GADL1: variants seen among roughly 807,000 people sequenced by gnomAD.
GADL1 encodes GAD like acidic amino acid decarboxylase 1, also known as acidic amino acid decarboxylase GADL1.
A neutral mutation model predicts 69.5 loss-of-function variants in GADL1; 71 were observed. The observed-to-expected ratio is 1.02, with a 90% confidence interval of 0.84 to 1.25. The LOEUF (loss-of-function observed/expected upper bound fraction) is 1.25. GADL1 is among the 50% of genes most tolerant of loss of function. The pLI is 0.00. For synonymous variants in GADL1, 254 were observed against 214.4 expected (o/e 1.18, Z -1.62); for missense variants, 737 against 631.8 (o/e 1.17, Z -1.79).
intron 14 of GADL1, among the ~76,000 whole-genome samples, chr3:30,742,675 T>C (rs1301517351): frequency 2.6e-5 from 4 of 152,130 alleles, no homozygotes; most frequent in African/African-American, 9.7e-5. Context: ...CAGACGTTCC[T>C]AATTTGTTAC....
At chr3:30,768,770 A>G (rs1444582257) in intron 14 of GADL1, among the ~76,000 whole-genome samples, 1 of 152,180 alleles carries the variant, frequency 6.6e-6, no homozygotes, top group Non-Finnish European at 1.5e-5. Flanking sequence ...GACTTAGGTG[A>G]GTCTTTCTTG....
chr3:30,730,553 C>G (rs1208798074), intron 14 of GADL1, among the ~76,000 whole-genome samples: 1 of 152,124 alleles, frequency 6.6e-6, no homozygotes, highest in East Asian at 1.9e-4. Context: ...GTGGAGGGCC[C>G]TCTCATCATC....
Position 30,832,783 on chromosome 3 carries a change from A to G in GADL1, c.1050+1070T>C, listed in dbSNP as rs191257147. ...CAAATAGTCATACCACAATTTTGAA[A>G]CTTAAATTTAAAAATTAAATGGTAT... On this transcript the variant is annotated intron_variant, in intron 11 of 14. Transcript: ENST00000282538. Among the ~76,000 whole-genome samples the G allele has an allele frequency of 4.2e-4, 64 of 152,190 alleles. 1 individual carries two copies. Among genetic ancestry groups the G allele is most frequent in the Middle Eastern group, 3.4e-3 (1 of 294 alleles).
intron 12 of GADL1, among the ~76,000 whole-genome samples, chr3:30,789,344 G>T (rs1696865909): frequency 6.6e-6 from 1 of 152,122 alleles, no homozygotes; most frequent in Non-Finnish European, 1.5e-5. Flanking sequence ...TCTCAACAGT[G>T]GGCTTCAAAT....
intron 1 of GADL1, among the ~76,000 whole-genome samples, chr3:30,871,651 C>T (rs1698483301): frequency 6.6e-6 from 1 of 151,738 alleles, no homozygotes; most frequent in South Asian, 2.1e-4. Context: ...AACATGTTCC[C>T]GTCACCCAGA....
At chr3:30,826,250 G>A (rs748183979) in intron 11 of GADL1, among the ~76,000 whole-genome samples, 5 of 151,794 alleles carry the variant, frequency 3.3e-5, no homozygotes, top group Middle Eastern at 3.2e-3. Context: ...TTCAACTGCT[G>A]GTCTTTATCA....
chr3:30,846,054 C>CAA (rs55634806), intron 6 of GADL1, among the ~76,000 whole-genome samples: 11 of 115,940 alleles, frequency 9.5e-5, no homozygotes, highest in African/African-American at 2.6e-4. Context: ...ATAGATAGAT[C>CAA]AAAAAAAAAA....
chr3:30,839,798 A>AC (rs760103824), intron 8 of GADL1, among the ~76,000 whole-genome samples: 27 of 152,134 alleles, frequency 1.8e-4, no homozygotes, highest in Non-Finnish European at 2.9e-4. Flanking sequence ...TGTGGCATGA[A>AC]CGGGTACTGG....
chr3:30,811,807 TTC>T (rs1697361161), intron 11 of GADL1, among the ~76,000 whole-genome samples: 1 of 152,218 alleles, frequency 6.6e-6, no homozygotes, highest in Non-Finnish European at 1.5e-5. Flanking sequence ...ATGGTTTTTT[TTC>T]CCCCCAAAAT....
intron 2 of GADL1, among the ~76,000 whole-genome samples, chr3:30,861,315 T>TTTCATCCCTGTGCTTCATCCCTGTGC (rs6147754): frequency 2.3e-4 from 35 of 151,098 alleles, no homozygotes; most frequent in Admixed American, 1.7e-3. Flanking sequence ...GTGCAGGAAG[T>TTTCATCCCTGTGCTTCATCCCTGTGC]TTCATCCCTG....
intron 12 of GADL1, chr3:30,799,981 G>GC (rs945648943): frequency 6.6e-6 from 1 of 152,230 alleles, no homozygotes; most frequent in Admixed American, 6.5e-5. Context: ...TTTTGTCAAA[G>GC]CCATTCAACA....
chr3:30,768,147 T>C (rs577184125), intron 14 of GADL1, among the ~76,000 whole-genome samples: 1 of 151,060 alleles, frequency 6.6e-6, no homozygotes, highest in East Asian at 2.0e-4. Context: ...AAATTAGTAA[T>C]ACAAAGCTAA....
intron 4 of GADL1, among the ~76,000 whole-genome samples, chr3:30,854,479 T>G (rs934420053): frequency 9.2e-5 from 14 of 152,118 alleles, no homozygotes; most frequent in African/African-American, 3.4e-4. Flanking sequence ...CTGTTAAATC[T>G]CATTAAATGA....
chr3:30,794,641 A>G (rs1215397548), intron 12 of GADL1, among the ~76,000 whole-genome samples: 4 of 152,170 alleles, frequency 2.6e-5, no homozygotes, highest in African/African-American at 7.2e-5. Context: ...TCTCTCTTCA[A>G]TTGGGTTGAC....
intron 14 of GADL1, among the ~76,000 whole-genome samples, chr3:30,763,844 T>A (rs1176520111): frequency 6.6e-6 from 1 of 151,892 alleles, no homozygotes; most frequent in Non-Finnish European, 1.5e-5. Flanking sequence ...ACCAGAAAAT[T>A]CTAAATGTGA....
At chr3:30,871,677 A>T (rs1027344717) in intron 1 of GADL1, among the ~76,000 whole-genome samples, 1 of 151,668 alleles carries the variant, frequency 6.6e-6, no homozygotes, top group Non-Finnish European at 1.5e-5. Flanking sequence ...ACATTATGAG[A>T]CTACGTTGTG....
intron 14 of GADL1, among the ~76,000 whole-genome samples, chr3:30,764,904 G>C (rs113552036): frequency 3.5e-4 from 53 of 149,594 alleles, no homozygotes; most frequent in African/African-American, 1.2e-3. Context: ...AAAACAGTGA[G>C]GCACTACCAT....
At chr3:30,759,808 CTTT>C (rs1014450950) in intron 14 of GADL1, among the ~76,000 whole-genome samples, 19 of 152,160 alleles carry the variant, frequency 1.2e-4, no homozygotes, top group African/African-American at 4.1e-4. Context: ...TCTCCAATAT[CTTT>C]TAAGGTTGGG....
At chr3:30,734,212 A>C (rs1456790040) in intron 14 of GADL1, among the ~76,000 whole-genome samples, 1 of 152,148 alleles carries the variant, frequency 6.6e-6, no homozygotes, top group Non-Finnish European at 1.5e-5. Context: ...ATCGATTTAC[A>C]TCTCTGTTTG....
Sources: allele counts gnomAD v4.1 joint callset (sites outside exome capture counted in the v4.1 genomes callset), GRCh38; gene constraint gnomAD v4.1.1; transcripts MANE v1.5; gene names NCBI Gene and HGNC (gene_info 2026-07-23, HGNC 2026-07-21).